Variants in NEDD9 observed in about 807,000 individuals in gnomAD.
The protein encoded by NEDD9 is enhancer of filamentation 1.
A neutral mutation model predicts 76.6 loss-of-function variants in NEDD9; 26 were observed. That is an observed-to-expected ratio of 0.34 (90% CI 0.25 to 0.47). NEDD9 has a LOEUF of 0.47. NEDD9 is among the 20% of genes least tolerant of loss of function. The probability of loss-of-function intolerance (pLI) is 1.00; values close to 1 mark genes in which losing one functional copy is unlikely to be tolerated. For synonymous variants in NEDD9, 392 were observed against 414.2 expected (o/e 0.95, Z 0.65); for missense variants, 937 against 1,058.5 (o/e 0.89, Z 1.59).
At chr6:11,353,769 G>T (rs1380072368) in intron 1 of NEDD9, among the ~76,000 whole-genome samples, 1 of 152,212 alleles carries the variant, frequency 6.6e-6, no homozygotes, top group African/African-American at 2.4e-5. Flanking sequence ...TGTATTACAT[G>T]ATTATATAGA....
At chr6:11,290,639 C>T (rs745328291) in intron 3 of NEDD9, among the ~76,000 whole-genome samples, 1 of 152,060 alleles carries the variant, frequency 6.6e-6, no homozygotes, top group Non-Finnish European at 1.5e-5. Context: ...AAACAAAGCT[C>T]CAGCTGTACC....
intron 1 of NEDD9, among the ~76,000 whole-genome samples, chr6:11,335,843 TC>T (rs1415279214): frequency 6.6e-6 from 1 of 152,230 alleles, no homozygotes; most frequent in African/African-American, 2.4e-5. Flanking sequence ...TTTGCACCAA[TC>T]TAATATATTT....
chr6:11,241,878 G>A lies in NEDD9; in HGVS notation c.13-28151C>T, dbSNP rs976104891. Among the ~76,000 whole-genome samples, 5 of 152,222 alleles carry A rather than the reference G, an allele frequency of 3.3e-5. No homozygotes were observed. The highest frequency in any genetic ancestry group is 2.1e-4 in the South Asian group (1 of 4,834). ...CCAGCCCAAGCAGCCGCCAGCTGGC[G>A]CTCGTGAGCGCATGAAAGGAATCCG... On this transcript the variant is annotated intron_variant, in intron 3 of 3. Transcript: ENST00000397378. This position sits in a 1 kb window ranked among gnomAD's most constrained non-coding sequence, Gnocchi z 4.0.
chr6:11,357,278 C>T (rs1762595633), intron 1 of NEDD9, among the ~76,000 whole-genome samples: 1 of 152,152 alleles, frequency 6.6e-6, no homozygotes, highest in Non-Finnish European at 1.5e-5. Flanking sequence ...CCACTCCAAC[C>T]CCTGCGCAGG....
At chr6:11,366,623 C>A (rs1308460562) in intron 1 of NEDD9, among the ~76,000 whole-genome samples, 1 of 152,186 alleles carries the variant, frequency 6.6e-6, no homozygotes, top group Non-Finnish European at 1.5e-5. Context: ...AACTGCCTAT[C>A]TTGAAGTAAG....
chr6:11,202,281 A>C (rs1204488910), intron 2 of NEDD9, among the ~76,000 whole-genome samples: 1 of 152,138 alleles, frequency 6.6e-6, no homozygotes, highest in Non-Finnish European at 1.5e-5. Context: ...GCGTTTCATG[A>C]ATTAACAAGA....
chr6:11,291,725 G>GT (rs1465210187), intron 3 of NEDD9, among the ~76,000 whole-genome samples: 1 of 152,202 alleles, frequency 6.6e-6, no homozygotes, highest in East Asian at 1.9e-4. Flanking sequence ...TAGTTTCAGT[G>GT]TAACGGTGCC....
chr6:11,341,931 TATTA>T (rs1298220193), intron 1 of NEDD9, among the ~76,000 whole-genome samples: 2 of 152,124 alleles, frequency 1.3e-5, no homozygotes, highest in African/African-American at 4.8e-5. Flanking sequence ...TCAAAAAATA[TATTA>T]ATTAATTAGA....
At chr6:11,334,476 C>T (rs1049854950) in intron 2 of NEDD9, 2 of 152,204 alleles carry the variant, frequency 1.3e-5, no homozygotes, top group Non-Finnish European at 1.5e-5. Flanking sequence ...ACTGTTTAGA[C>T]TATTGGTCAT....
chr6:11,196,746 C>T (rs1359603090), intron 2 of NEDD9, among the ~76,000 whole-genome samples: 1 of 151,712 alleles, frequency 6.6e-6, no homozygotes, highest in Non-Finnish European at 1.5e-5. Flanking sequence ...ATCTAATTCA[C>T]GTTGGTCCAC....
At chr6:11,250,660 C>G (rs1171578512) in intron 3 of NEDD9, among the ~76,000 whole-genome samples, 1 of 152,214 alleles carries the variant, frequency 6.6e-6, no homozygotes, top group Non-Finnish European at 1.5e-5. Context: ...GAGTCCAGAC[C>G]TGGCTTTTGA....
rs1039236038 is a variant in NEDD9, at chr6:11,326,184, C to A, written c.-153+8317G>T. On this transcript the variant is annotated intron_variant, in intron 2 of 3. Coordinates refer to the NEDD9 transcript ENST00000397378. ...AAAAGGAAAAACAAAACAAAAAAAACCCCAAGTTTCTCCCAAGTCCGCTGG... is the reference window on the plus strand; with the variant it reads ...AAAAGGAAAAACAAAACAAAAAAAAACCCAAGTTTCTCCCAAGTCCGCTGG... 7.3e-5 allele frequency among the ~76,000 whole-genome samples: 11 copies of A among 150,232 alleles called. No individual in the cohort carries two copies. The South Asian group carries it at 1.1e-3, about 14-fold the overall frequency.
intron 3 of NEDD9, among the ~76,000 whole-genome samples, chr6:11,270,296 T>C (rs187982029): frequency 7.0e-4 from 107 of 152,222 alleles, no homozygotes; most frequent in Non-Finnish European, 1.3e-3. Context: ...AGTGATTAAC[T>C]GTAATTAAAG....
At chr6:11,307,389 G>T (rs1250508882) in intron 2 of NEDD9, among the ~76,000 whole-genome samples, 1 of 152,176 alleles carries the variant, frequency 6.6e-6, no homozygotes. Flanking sequence ...TAGGCAAGGG[G>T]ACACAGGCCC....
intron 1 of NEDD9, among the ~76,000 whole-genome samples, chr6:11,334,715 C>G (rs2113510563): frequency 6.6e-6 from 1 of 152,306 alleles, no homozygotes; most frequent in South Asian, 2.1e-4. Context: ...TAATGACTTA[C>G]TACTTGCTGT....
At position 11,185,155 on chromosome 6, in the gene NEDD9, T is replaced by A; in HGVS notation, c.*7A>T. 1 of 1,601,992 alleles carries A rather than the reference T, an allele frequency of 6.2e-7. No individual in the cohort carries two copies. The highest frequency in any genetic ancestry group is 8.5e-7 in the Non-Finnish European group (1 of 1,170,900). ...TTAACGCAGTCCCCTTCCTCTTTTT[T>A]TTCTTCTCAGAACGTTGCCATCTCC... On this transcript the variant is annotated 3_prime_UTR_variant, in exon 7 of 7. Transcript: ENST00000379446.
rs1328344419 is a variant in NEDD9, at chr6:11,317,824, GACATTTGGGCAA to G, written c.-152-11681_-152-11670del. On this transcript the variant is annotated intron_variant, in intron 2 of 3. Coordinates refer to the NEDD9 transcript ENST00000397378. ...ACCTGACTAGGCCACAGGATGTCCA[GACATTTGGGCAA>G]ACATTATTCTGGGTGTTCTGAGGGT... 3.9e-5 allele frequency among the ~76,000 whole-genome samples: 6 copies of G among 152,314 alleles called. No homozygotes were observed. The South Asian group carries it at 1.0e-3, about 26-fold the overall frequency.
At chr6:11,290,911 G>C (rs1225192561) in intron 3 of NEDD9, among the ~76,000 whole-genome samples, 1 of 152,192 alleles carries the variant, frequency 6.6e-6, no homozygotes, top group Non-Finnish European at 1.5e-5. Context: ...TGATGCGATT[G>C]AGTGCTAGAC....
chr6:11,359,094 C>T (rs891604721), intron 1 of NEDD9, among the ~76,000 whole-genome samples: 1 of 152,168 alleles, frequency 6.6e-6, no homozygotes, highest in African/African-American at 2.4e-5. Flanking sequence ...TCCTGTTCTA[C>T]TCCATCCTGT....
Sources: allele counts gnomAD v4.1 joint callset (sites outside exome capture counted in the v4.1 genomes callset), GRCh38; gene constraint gnomAD v4.1.1; non-coding constraint Gnocchi (gnomAD v3.1); transcripts MANE v1.5; gene names NCBI Gene and HGNC (gene_info 2026-07-23, HGNC 2026-07-21).